The following ANKFN1 variants were observed in gnomAD, a reference collection of about 807,000 sequenced individuals.
The protein encoded by ANKFN1 is ankyrin repeat and fibronectin type III domain containing 1.
In ANKFN1, 74 loss-of-function variants were observed where a neutral mutation model predicts 108.7. The ratio of observed to expected loss-of-function variants is 0.68; its 90% CI spans 0.56 to 0.83. The LOEUF is 0.83. Among genes scored for constraint, ANKFN1 ranks in the 40% least tolerant of loss-of-function variants. ANKFN1 has a pLI of 0.00. For synonymous variants in ANKFN1, 547 were observed against 516.2 expected (o/e 1.06, Z -0.81); for missense variants, 1,505 against 1,382.3 (o/e 1.09, Z -1.41).
Position 56,093,754 on chromosome 17 carries a change from A to G in ANKFN1, c.288+47429A>G, listed in dbSNP as rs569586051. ...TGTATTTCTTAACTAGGTAATGTGC[A>G]TAAAACTATACTACTGTTTTTATGA... On this transcript the variant is annotated intron_variant, in intron 4 of 12. Transcript: ENST00000635860. Among the ~76,000 whole-genome samples the G allele has an allele frequency of 6.3e-4, 95 of 151,468 alleles. 4 individuals are homozygous for G. The highest frequency in any genetic ancestry group is 2.2e-3 in the African/African-American group (89 of 41,348).
Position 56,480,835 on chromosome 17 carries a change from T to C in ANKFN1, c.2091+17T>C, listed in dbSNP as rs2050669531. On this transcript the variant is annotated intron_variant, in intron 17 of 20. Coordinates refer to ENST00000682825, the MANE Select transcript of ANKFN1 (RefSeq NM_001370326.1). ...CTACACCAGGTACTAGACTTTACCATTTTTATCTTCTTTTTTTATGGCTCA... is the reference window on the plus strand; with the variant it reads ...CTACACCAGGTACTAGACTTTACCACTTTTATCTTCTTTTTTTATGGCTCA... 6.2e-7 allele frequency: 1 copy of C among 1,609,748 alleles called. No individual in the cohort carries two copies. Among genetic ancestry groups the C allele is most frequent in the African/African-American group, 1.3e-5 (1 of 74,486 alleles).
chr17:56,418,947 A>T (rs1270935153), intron 8 of ANKFN1, among the ~76,000 whole-genome samples: 1 of 152,180 alleles, frequency 6.6e-6, no homozygotes, highest in Non-Finnish European at 1.5e-5. Context: ...AACATTCTCA[A>T]CAAGAGAAGC....
At chr17:56,186,894 G>A (rs1912262635) in intron 1 of ANKFN1, among the ~76,000 whole-genome samples, 1 of 152,172 alleles carries the variant, frequency 6.6e-6, no homozygotes, top group Non-Finnish European at 1.5e-5. Context: ...GTAGAAAGCT[G>A]AAACTGGATC....
At chr17:56,268,199 A>C (rs2043703282) in intron 3 of ANKFN1, among the ~76,000 whole-genome samples, 2 of 152,150 alleles carry the variant, frequency 1.3e-5, no homozygotes, top group South Asian at 2.1e-4. Flanking sequence ...ATTCTCAACA[A>C]ATTTTTAAAA....
At chr17:56,471,549 G>A (rs1010637933) in intron 15 of ANKFN1, 6 of 152,262 alleles carry the variant, frequency 3.9e-5, no homozygotes, top group South Asian at 4.2e-4. Flanking sequence ...AATTGGGCTG[G>A]ACTTAGGAAA....
chr17:56,174,662 A>C (rs1910968011), intron 1 of ANKFN1, among the ~76,000 whole-genome samples: 1 of 152,134 alleles, frequency 6.6e-6, no homozygotes, highest in Non-Finnish European at 1.5e-5. Flanking sequence ...TTGCCCAGAG[A>C]AGTCTCCAGG....
chr17:56,070,861 A>G (rs1279035126), intron 4 of ANKFN1, among the ~76,000 whole-genome samples: 1 of 151,804 alleles, frequency 6.6e-6, no homozygotes, highest in Non-Finnish European at 1.5e-5. Flanking sequence ...CAGCCTCCCA[A>G]GTAGCTGGGA....
At chr17:56,310,747 T>TG (rs1260774316) in intron 3 of ANKFN1, among the ~76,000 whole-genome samples, 4 of 137,524 alleles carry the variant, frequency 2.9e-5, no homozygotes, top group South Asian at 2.3e-4. Context: ...TCACAATTAC[T>TG]TTGTGTGTGT....
chr17:56,096,805 A>G (rs944672014), intron 4 of ANKFN1, among the ~76,000 whole-genome samples: 2 of 152,332 alleles, frequency 1.3e-5, no homozygotes, highest in Middle Eastern at 3.4e-3. Flanking sequence ...GTAAAGACAC[A>G]TGCATATGTG....
intron 4 of ANKFN1, among the ~76,000 whole-genome samples, chr17:56,062,109 T>C (rs1392670829): frequency 6.6e-6 from 1 of 152,240 alleles, no homozygotes; most frequent in East Asian, 1.9e-4. Context: ...TTTGTTATGA[T>C]TTCAGTTCTT....
intron 3 of ANKFN1, among the ~76,000 whole-genome samples, chr17:56,251,355 TG>T (rs1326440050): frequency 6.6e-6 from 1 of 152,210 alleles, no homozygotes; most frequent in African/African-American, 2.4e-5. Context: ...ATCACACCAC[TG>T]CACTCCAGCC....
At chr17:56,230,095 T>A (rs1242686972) in intron 3 of ANKFN1, among the ~76,000 whole-genome samples, 1 of 152,094 alleles carries the variant, frequency 6.6e-6, no homozygotes, top group Non-Finnish European at 1.5e-5. Flanking sequence ...GACTTAGATC[T>A]ATAGTGAATG....
chr17:56,313,154 A>G (rs1188284616), intron 3 of ANKFN1, among the ~76,000 whole-genome samples: 1 of 54,392 alleles, frequency 1.8e-5, no homozygotes, highest in Non-Finnish European at 3.6e-5. Context: ...ATCCAACTCA[A>G]AAAAAAAAAA....
intron 3 of ANKFN1, among the ~76,000 whole-genome samples, chr17:56,280,498 A>G (rs79286353): frequency 0.02 from 3,051 of 152,202 alleles, 88 homozygotes; most frequent in African/African-American, 0.069. Flanking sequence ...CCACTGTTGG[A>G]TGCCCTGGTT....
intron 3 of ANKFN1, among the ~76,000 whole-genome samples, chr17:56,235,121 T>TC (rs1917028019): frequency 6.6e-6 from 1 of 152,222 alleles, no homozygotes; most frequent in Non-Finnish European, 1.5e-5. Context: ...TGACTTTTTT[T>TC]CATATGCCTG....
chr17:56,119,403 G>A (rs779157482), intron 4 of ANKFN1, among the ~76,000 whole-genome samples: 1 of 152,164 alleles, frequency 6.6e-6, no homozygotes, highest in Non-Finnish European at 1.5e-5. Context: ...GCTTTGGATT[G>A]AGAGGCCTGG....
At chr17:56,373,367 CT>C (rs1380205458) in intron 7 of ANKFN1, among the ~76,000 whole-genome samples, 1 of 152,184 alleles carries the variant, frequency 6.6e-6, no homozygotes, top group African/African-American at 2.4e-5. Context: ...TTTACCAATT[CT>C]TTTTGTTAGT....
chr17:56,096,078 T>C (rs1397349287), intron 4 of ANKFN1, among the ~76,000 whole-genome samples: 1 of 152,236 alleles, frequency 6.6e-6, no homozygotes, highest in East Asian at 1.9e-4. Flanking sequence ...TGTAAGGTTG[T>C]TGTTAGCACT....
intron 18 of ANKFN1, among the ~76,000 whole-genome samples, chr17:56,483,602 C>G (rs1441834040): frequency 6.6e-6 from 1 of 152,184 alleles, no homozygotes; most frequent in Non-Finnish European, 1.5e-5. Flanking sequence ...AAATCAGACT[C>G]GTAGACTGGG....
Sources: gnomAD v4.1 joint callset for allele counts (sites outside exome capture counted in the v4.1 genomes callset) on GRCh38, gnomAD v4.1.1 for gene constraint, MANE v1.5 for transcripts, NCBI Gene and HGNC (gene_info 2026-07-23, HGNC 2026-07-21) for gene names.